Variants in PDE1A observed in about 807,000 individuals in gnomAD.
PDE1A encodes the protein dual specificity calcium/calmodulin-dependent 3',5'-cyclic nucleotide phosphodiesterase 1A.
PDE1A carries 35 observed loss-of-function variants against 61.7 expected under a neutral mutation model. The observed-to-expected ratio is 0.57, with a 90% CI of 0.43 to 0.75. PDE1A has a LOEUF of 0.75. Among genes scored for constraint, PDE1A ranks in the 30% least tolerant of loss-of-function variants. The pLI, the probability that PDE1A is intolerant of heterozygous loss-of-function variation, is 0.00. For missense variants in PDE1A, 597 were observed against 630.6 expected (o/e 0.95, Z 0.57); for synonymous variants, 232 against 213.2 (o/e 1.09, Z -0.77).
At chr2:182,182,352 T>A (rs929705281) in intron 13 of PDE1A, among the ~76,000 whole-genome samples, 4 of 152,260 alleles carry the variant, frequency 2.6e-5, no homozygotes, top group Admixed American at 6.5e-5. Context: ...ATCCAATCTC[T>A]TTTTGCTTAC....
the PDE1A span, chr2:182,716,283 T>A: frequency 2.6e-5 from 4 of 152,316 alleles, no homozygotes; most frequent in Non-Finnish European, 5.9e-5. Flanking sequence ...GACCGGCGCG[T>A]GAGGAACCTA....
intron 7 of PDE1A, among the ~76,000 whole-genome samples, chr2:182,214,586 G>A (rs1488611118): frequency 4.0e-5 from 6 of 150,486 alleles, no homozygotes; most frequent in East Asian, 1.9e-4. Context: ...CAAGCCAATG[G>A]AAAACAAAAA....
chr2:182,245,278 C>A (rs529444929), intron 2 of PDE1A, among the ~76,000 whole-genome samples: 1 of 152,150 alleles, frequency 6.6e-6, no homozygotes, highest in African/African-American at 2.4e-5. Flanking sequence ...CTTCACAGTT[C>A]CCATATTACT....
the PDE1A span, among the ~76,000 whole-genome samples, chr2:182,654,316 T>C: frequency 6.6e-6 from 1 of 152,192 alleles, no homozygotes; most frequent in Non-Finnish European, 1.5e-5. Context: ...ACAGGTTAAT[T>C]GAAAAATAAT....
intron 2 of PDE1A, among the ~76,000 whole-genome samples, chr2:182,485,885 T>G (rs1446723961): frequency 1.3e-5 from 2 of 152,044 alleles, no homozygotes; most frequent in African/African-American, 4.8e-5. Context: ...CAACCCCCAC[T>G]TAAGACAGAA....
intron 1 of PDE1A, among the ~76,000 whole-genome samples, chr2:182,409,594 GAA>G (rs1387381527): frequency 6.6e-6 from 1 of 152,158 alleles, no homozygotes; most frequent in Non-Finnish European, 1.5e-5. Context: ...CAGGTGCTAT[GAA>G]ATAACCACAT....
chr2:182,519,389 T>C, intron 2 of PDE1A, among the ~76,000 whole-genome samples: 1 of 151,964 alleles, frequency 6.6e-6, no homozygotes, highest in East Asian at 1.9e-4. Flanking sequence ...ATTGTTGTAC[T>C]GAGTAACAAA....
At chr2:182,464,175 T>C (rs1007535690) in intron 2 of PDE1A, among the ~76,000 whole-genome samples, 2 of 152,158 alleles carry the variant, frequency 1.3e-5, no homozygotes, top group African/African-American at 4.8e-5. Flanking sequence ...ATCATGGAGA[T>C]TCTACAATTG....
intron 2 of PDE1A, among the ~76,000 whole-genome samples, chr2:182,262,117 T>A (rs1692255661): frequency 6.7e-6 from 1 of 149,242 alleles, no homozygotes; most frequent in African/African-American, 2.4e-5. Context: ...AGAAAATAAT[T>A]TCTTTCTTTC....
chr2:182,635,522 C>A, the PDE1A span, among the ~76,000 whole-genome samples: 1 of 151,736 alleles, frequency 6.6e-6, no homozygotes, highest in Non-Finnish European at 1.5e-5. Context: ...TATGAAAAAC[C>A]ATAATTTATT....
At chr2:182,281,192 C>T (rs1693781125) in intron 1 of PDE1A, among the ~76,000 whole-genome samples, 1 of 151,772 alleles carries the variant, frequency 6.6e-6, no homozygotes, top group Admixed American at 6.6e-5. Context: ...TTAATTTTAG[C>T]ATTAATTTTG....
At chr2:182,147,177 A>G in intron 13 of PDE1A, 25 bp from the exon 14 acceptor site, 1 of 1,373,924 alleles carries the variant, frequency 7.3e-7, no homozygotes, top group East Asian at 2.3e-5. Flanking sequence ...AAACAAAAGC[A>G]AAACAAAACA....
At chr2:182,181,143 A>G (rs1684725149) in intron 13 of PDE1A, among the ~76,000 whole-genome samples, 1 of 152,060 alleles carries the variant, frequency 6.6e-6, no homozygotes, top group South Asian at 2.1e-4. Context: ...GAGAAGTGTT[A>G]CAATCATTTG....
chr2:182,261,626 G>A (rs192838010), intron 2 of PDE1A, among the ~76,000 whole-genome samples: 8 of 152,070 alleles, frequency 5.3e-5, no homozygotes, highest in Admixed American at 2.6e-4. Context: ...TCTTTTCCCC[G>A]CAAAAGAGCA....
chr2:182,672,420 CAAAT>C, the PDE1A span, among the ~76,000 whole-genome samples: 2 of 152,152 alleles, frequency 1.3e-5, no homozygotes, highest in East Asian at 3.8e-4. Flanking sequence ...GGACTGTTGA[CAAAT>C]AACTCAGAAA....
chr2:182,548,633 G>A, the PDE1A span, among the ~76,000 whole-genome samples: 1 of 152,058 alleles, frequency 6.6e-6, no homozygotes, highest in Non-Finnish European at 1.5e-5. Context: ...CCAAAATTAT[G>A]GATTTCTACC....
intron 1 of PDE1A, among the ~76,000 whole-genome samples, chr2:182,265,840 T>A (rs1281032182): frequency 1.3e-5 from 2 of 152,140 alleles, no homozygotes; most frequent in Non-Finnish European, 2.9e-5. Context: ...TCCTAAGTCA[T>A]CAGACAGAAT....
intron 7 of PDE1A, among the ~76,000 whole-genome samples, chr2:182,222,020 T>A (rs899851321): frequency 1.3e-5 from 2 of 151,892 alleles, no homozygotes; most frequent in Admixed American, 1.3e-4. Flanking sequence ...AACTCCCACA[T>A]CTGGAAAATC....
the PDE1A span, among the ~76,000 whole-genome samples, chr2:182,612,746 A>G: frequency 9.2e-5 from 14 of 152,228 alleles, no homozygotes; most frequent in African/African-American, 1.7e-4. Context: ...CAAACTGTCA[A>G]CTGACTTATA....
Sources: allele counts gnomAD v4.1 joint callset (sites outside exome capture counted in the v4.1 genomes callset), GRCh38; gene constraint gnomAD v4.1.1; transcripts MANE v1.5; gene names NCBI Gene and HGNC (gene_info 2026-07-23, HGNC 2026-07-21).